SULF1: variants seen among roughly 807,000 people sequenced by gnomAD.
SULF1 encodes sulfatase 1, also known as extracellular sulfatase Sulf-1.
In SULF1, 46 loss-of-function variants were observed where a neutral mutation model predicts 110.5. The observed-to-expected ratio is 0.42, with a 90% CI of 0.33 to 0.53. The LOEUF (loss-of-function observed/expected upper bound fraction) is 0.53, where lower values mean the gene tolerates loss of function less well. Ranked by LOEUF, SULF1 falls within the 20% of genes least tolerant of loss-of-function variation. The probability of loss-of-function intolerance (pLI) is 0.12; values close to 1 mark genes in which losing one functional copy is unlikely to be tolerated. For missense variants in SULF1, 941 were observed against 1,094.2 expected (o/e 0.86, Z 1.98); for synonymous variants, 371 against 387.1 (o/e 0.96, Z 0.49).
chr8:69,551,824 G>T (rs1356380412), intron 3 of SULF1, among the ~76,000 whole-genome samples: 1 of 152,170 alleles, frequency 6.6e-6, no homozygotes, highest in Non-Finnish European at 1.5e-5. Context: ...GGGTGCGGTG[G>T]CTCATGCCTG....
chr8:69,470,590 A>G (rs1586183623), intron 1 of SULF1, among the ~76,000 whole-genome samples: 1 of 151,870 alleles, frequency 6.6e-6, no homozygotes, highest in South Asian at 2.1e-4. Context: ...CGCAATGATC[A>G]TCTCACATGT....
intron 3 of SULF1, among the ~76,000 whole-genome samples, chr8:69,532,283 T>C (rs774310630): frequency 9.9e-5 from 15 of 152,212 alleles, no homozygotes; most frequent in Non-Finnish European, 2.1e-4. Flanking sequence ...TGTCTTAAAA[T>C]GATTGTTTCA....
chr8:69,475,981 C>T (rs965371131), intron 1 of SULF1, among the ~76,000 whole-genome samples: 1 of 152,114 alleles, frequency 6.6e-6, no homozygotes, highest in Admixed American at 6.5e-5. Context: ...TACGGATATT[C>T]GAGTCAAAAT....
chr8:69,541,840 A>T (rs562312258), intron 3 of SULF1, among the ~76,000 whole-genome samples: 1 of 152,330 alleles, frequency 6.6e-6, no homozygotes, highest in East Asian at 1.9e-4. Flanking sequence ...CTTCTTAATT[A>T]AAAAAAGGAA....
rs188661540 is a variant in SULF1 at position 69,560,470 on chromosome 8, T to C, written c.-133-3069T>C. On this transcript the variant is annotated intron_variant, in intron 3 of 22. Transcript: ENST00000402687. ...ACCAATTGACCATAACTACAACTGCTGTTTTCATTTTATGGCTTGGAGTAA... is the reference window on the plus strand; with the variant it reads ...ACCAATTGACCATAACTACAACTGCCGTTTTCATTTTATGGCTTGGAGTAA... Among the ~76,000 whole-genome samples, 1,038 of 152,332 alleles carry C rather than the reference T, an allele frequency of 6.8e-3. 9 individuals carry two copies. The highest frequency in any genetic ancestry group is 0.023 in the African/African-American group (958 of 41,572).
intron 19 of SULF1, among the ~76,000 whole-genome samples, chr8:69,633,120 A>T (rs77750551): frequency 6.6e-6 from 1 of 152,238 alleles, no homozygotes; most frequent in Non-Finnish European, 1.5e-5. Context: ...AATAGTTTTC[A>T]TATTCTTTGG....
intron 8 of SULF1, chr8:69,592,925 A>G (rs1807018534): frequency 2.0e-6 from 2 of 987,298 alleles, no homozygotes; most frequent in African/African-American, 1.7e-5. Context: ...AATGGAACAG[A>G]CAGGGTAAGG....
At chr8:69,572,848 G>A (rs1160522907) in intron 5 of SULF1, among the ~76,000 whole-genome samples, 1 of 152,134 alleles carries the variant, frequency 6.6e-6, no homozygotes, top group African/African-American at 2.4e-5. Flanking sequence ...GTTTTTATGA[G>A]ACAGAGTCTC....
intron 8 of SULF1, among the ~76,000 whole-genome samples, chr8:69,597,744 A>G (rs1389236982): frequency 6.6e-6 from 1 of 152,166 alleles, no homozygotes; most frequent in South Asian, 2.1e-4. Context: ...AAAAAAGTCA[A>G]CCAGATTTAT....
intron 19 of SULF1, among the ~76,000 whole-genome samples, chr8:69,636,494 T>C (rs1226277228): frequency 6.6e-6 from 1 of 150,832 alleles, no homozygotes. Context: ...CCGAGATCGC[T>C]CCACTGCACT....
chr8:69,530,874 AC>A (rs1213317997), intron 3 of SULF1, among the ~76,000 whole-genome samples: 9 of 152,236 alleles, frequency 5.9e-5, no homozygotes, highest in Non-Finnish European at 1.0e-4. Context: ...GGTGTCCTGC[AC>A]AAGTGGATGC....
At chr8:69,541,503 G>T (rs1452047792) in intron 3 of SULF1, among the ~76,000 whole-genome samples, 1 of 151,806 alleles carries the variant, frequency 6.6e-6, no homozygotes, top group African/African-American at 2.4e-5. Flanking sequence ...TGAGGATGAG[G>T]GACTGTAACA....
chr8:69,603,019 C>A (rs1586523343), intron 10 of SULF1, among the ~76,000 whole-genome samples, 173 bp from the exon 11 acceptor site: 1 of 152,116 alleles, frequency 6.6e-6, no homozygotes, highest in Non-Finnish European at 1.5e-5. Context: ...TTGCTCAGTG[C>A]CATTGCTGTG....
chr8:69,513,165 C>A (rs1236113441), intron 3 of SULF1, among the ~76,000 whole-genome samples: 2 of 152,200 alleles, frequency 1.3e-5, no homozygotes, highest in African/African-American at 4.8e-5. Flanking sequence ...AAAGTTGCAA[C>A]TTAAATTTTA....
chr8:69,531,216 T>C (rs1197062549), intron 3 of SULF1, among the ~76,000 whole-genome samples: 1 of 152,230 alleles, frequency 6.6e-6, no homozygotes, highest in Non-Finnish European at 1.5e-5. Context: ...TCTCCTCTCA[T>C]TGTCCCTTGT....
chr8:69,546,742 C>T (rs1272105027), intron 3 of SULF1, among the ~76,000 whole-genome samples: 1 of 152,158 alleles, frequency 6.6e-6, no homozygotes, highest in Non-Finnish European at 1.5e-5. Context: ...TCTTTTAAAA[C>T]ATAAGAGTCT....
upstream of SULF1, among the ~76,000 whole-genome samples, chr8:69,489,290 T>A (rs1809819904): frequency 6.6e-6 from 1 of 152,178 alleles, no homozygotes; most frequent in Non-Finnish European, 1.5e-5. Context: ...AATGGGAGTT[T>A]AAGCAATTTT....
At chr8:69,614,125 G>T (rs1032224844) in intron 13 of SULF1, among the ~76,000 whole-genome samples, 1 of 152,180 alleles carries the variant, frequency 6.6e-6, no homozygotes, top group Admixed American at 6.5e-5. Flanking sequence ...AGCTGCTTTT[G>T]TTGAGTGCCT....
At chr8:69,569,248 A>G (rs1387419111) in intron 5 of SULF1, among the ~76,000 whole-genome samples, 1 of 152,214 alleles carries the variant, frequency 6.6e-6, no homozygotes, top group Non-Finnish European at 1.5e-5. Flanking sequence ...GTTTCTTTAA[A>G]ACAAAAGCCA....
Sources: allele counts gnomAD v4.1 joint callset (sites outside exome capture counted in the v4.1 genomes callset), GRCh38; gene constraint gnomAD v4.1.1; transcripts MANE v1.5; gene names NCBI Gene and HGNC (gene_info 2026-07-23, HGNC 2026-07-21).